The following ZFHX4 variants were observed in gnomAD, a reference collection of about 807,000 sequenced individuals.
The protein encoded by ZFHX4 is zinc finger homeobox 4, also known as zinc finger homeobox protein 4.
In ZFHX4, 56 loss-of-function variants were observed where a neutral mutation model predicts 267.6. That is an observed-to-expected ratio of 0.21 (90% CI 0.17 to 0.26). ZFHX4 has a LOEUF of 0.26. ZFHX4 is among the 10% of genes least tolerant of loss of function. The pLI is 1.00. For synonymous variants in ZFHX4, 1,778 were observed against 1,665.6 expected (o/e 1.07, Z -1.64); for missense variants, 4,332 against 4,420.0 (o/e 0.98, Z 0.56).
chr8:76,704,339 A>G lies in ZFHX4; in HGVS notation c.251A>G (p.Glu84Gly). Residue 84 changes from glutamate to glycine, a missense_variant, in exon 2 of 11, where the codon GAA becomes GGA. Transcript: ENST00000651372. ...VTSAKEIPCN[E>G]CATSFPSLQK... ...TCAGCAAAGGAGATACCCTGCAACG[A>G]ATGTGCCACTTCTTTTCCCAGTTTA... 1 of 1,614,012 alleles carries G rather than the reference A, an allele frequency of 6.2e-7. No individual in the cohort carries two copies. The highest frequency in any genetic ancestry group is 8.5e-7 in the Non-Finnish European group (1 of 1,179,880).
chr8:76,772,330 C>A (rs1007178918), intron 3 of ZFHX4, among the ~76,000 whole-genome samples: 1 of 152,098 alleles, frequency 6.6e-6, no homozygotes, highest in Non-Finnish European at 1.5e-5. Flanking sequence ...AGTAGATGAA[C>A]TCAGATCTCA....
rs557143953 is a variant in ZFHX4, at chr8:76,707,262, G to A, written c.2591-284G>A. Among the ~76,000 whole-genome samples, 12 of 152,248 alleles carry A rather than the reference G, an allele frequency of 7.9e-5. No individual in the cohort carries two copies. The South Asian group carries it at 1.9e-3, about 24-fold the overall frequency. ...GTTTATCTAGGCTCTTAAATTGAAA[G>A]CACGTGACTGTTTTGTTATGGTATT... On this transcript the variant is annotated intron_variant, in intron 2 of 10. Transcript: ENST00000651372.
intron 5 of ZFHX4, among the ~76,000 whole-genome samples, chr8:76,837,179 T>A (rs1585995173): frequency 6.6e-6 from 1 of 152,078 alleles, no homozygotes; most frequent in South Asian, 2.1e-4. Flanking sequence ...GTACTAATAC[T>A]GGAGACACTC....
intron 4 of ZFHX4, among the ~76,000 whole-genome samples, chr8:76,833,020 T>C (rs1291775054): frequency 6.6e-6 from 1 of 152,180 alleles, no homozygotes; most frequent in East Asian, 1.9e-4. Flanking sequence ...CTATAACACA[T>C]AATCCTATAA....
Position 76,850,249 on chromosome 8 carries a change from C to G in ZFHX4, c.3851C>G (p.Pro1284Arg), listed in dbSNP as rs754242345. The change falls in exon 9 of 11, where the codon CCT becomes CGT. Residue 1284 changes from proline (P) to arginine (R), a missense_variant. Physicochemically the swap from Pro to Arg is moderately radical, Grantham distance 103. Transcript: ENST00000651372. ...AAACCCCTTTGGTTTCCAAAGGTGC[C>G]TGTCCCTGATGTGATGATGCCAAAC... is the stretch of plus-strand genomic sequence containing the variant. ...DCVEKLLMTV[P>R]VPDVMMPNSM... is the part of the protein sequence containing the mutation. 4 of 1,611,700 alleles carry G rather than the reference C, an allele frequency of 2.5e-6. No individual in the cohort carries two copies. The highest frequency in any genetic ancestry group is 3.4e-6 in the Non-Finnish European group (4 of 1,179,068).
chr8:76,827,310 G>A (rs748788785), intron 4 of ZFHX4, among the ~76,000 whole-genome samples: 23 of 152,164 alleles, frequency 1.5e-4, no homozygotes, highest in Non-Finnish European at 2.6e-4. Context: ...AATCTGATGC[G>A]AGGTGGAGCT....
Position 76,705,959 on chromosome 8 carries a change from C to G in ZFHX4, c.1871C>G (p.Ser624Cys), listed in dbSNP as rs781090943. The change falls in exon 2 of 11, where the codon TCT becomes TGT. Residue 624 changes from serine (S) to cysteine (C), a missense_variant. This residue lies in a region of ZFHX4 where 1,195 missense variants were observed against 1,173.6 expected (regional missense o/e 1.02). Coordinates refer to ENST00000651372, the MANE Select transcript of ZFHX4 (RefSeq NM_024721.5). ...CCAAAGTGCGACACTGTGTTGGGGT[C>G]TTCGAGGTCTCTTGGTGGTCATATG... is the stretch of plus-strand genomic sequence containing the variant. Reference protein sequence around the residue: ...ECPKCDTVLGSSRSLGGHMTM... With the variant: ...ECPKCDTVLGCSRSLGGHMTM... The G allele has an allele frequency of 1.2e-6, 2 of 1,613,000 alleles. No individual in the cohort carries two copies. Among genetic ancestry groups the G allele is most frequent in the Non-Finnish European group, 1.7e-6 (2 of 1,179,614 alleles).
chr8:76,827,230 C>T (rs963009964), intron 4 of ZFHX4, among the ~76,000 whole-genome samples: 15 of 152,214 alleles, frequency 9.9e-5, no homozygotes, highest in African/African-American at 2.4e-4. Flanking sequence ...AAGGAGCACA[C>T]GACCTAGATC....
intron 4 of ZFHX4, among the ~76,000 whole-genome samples, chr8:76,796,589 C>T (rs978599644): frequency 3.9e-5 from 6 of 152,086 alleles, no homozygotes; most frequent in Non-Finnish European, 5.9e-5. Context: ...TGAGCAACAG[C>T]GTGGTTAAAC....
At chr8:76,829,831 C>T (rs1294830760) in intron 4 of ZFHX4, among the ~76,000 whole-genome samples, 1 of 151,956 alleles carries the variant, frequency 6.6e-6, no homozygotes, top group Non-Finnish European at 1.5e-5. Context: ...GAATGGGAAC[C>T]TTAAACATTT....
At chr8:76,773,132 A>G (rs1810312423) in intron 3 of ZFHX4, among the ~76,000 whole-genome samples, 3 of 152,164 alleles carry the variant, frequency 2.0e-5, no homozygotes, top group African/African-American at 7.2e-5. Context: ...TGTTTGTGAA[A>G]TCGAGGAAGG....
chr8:76,743,792 ACT>A (rs1809384166), intron 3 of ZFHX4, among the ~76,000 whole-genome samples: 1 of 152,056 alleles, frequency 6.6e-6, no homozygotes, highest in Non-Finnish European at 1.5e-5. Context: ...AAGTCTAGAG[ACT>A]CTTAATATTT....
chr8:76,726,795 C>G (rs1808865485), intron 3 of ZFHX4, among the ~76,000 whole-genome samples: 2 of 152,078 alleles, frequency 1.3e-5, no homozygotes, highest in African/African-American at 4.8e-5. Context: ...CTTTAGCCTG[C>G]AAATAGATTA....
intron 4 of ZFHX4, among the ~76,000 whole-genome samples, chr8:76,800,040 G>A (rs967278081): frequency 6.6e-5 from 10 of 152,032 alleles, no homozygotes; most frequent in African/African-American, 9.7e-5. Flanking sequence ...TTCAGAAAGC[G>A]CGTGTGTCAG....
At chr8:76,830,801 T>G (rs1811913939) in intron 4 of ZFHX4, among the ~76,000 whole-genome samples, 1 of 152,178 alleles carries the variant, frequency 6.6e-6, no homozygotes, top group Non-Finnish European at 1.5e-5. Context: ...AATTATTATT[T>G]GGTTATATTT....
Position 76,706,317 on chromosome 8 carries a change from C to A in ZFHX4, c.2229C>A (p.Ala743=). The A allele has an allele frequency of 6.2e-7, 1 of 1,614,044 alleles. No individual in the cohort carries two copies. Among genetic ancestry groups the A allele is most frequent in the South Asian group, 1.1e-5 (1 of 91,076 alleles). ...GTGAGCAGGTGTTTGGCCACTCTGC[C>A]CCAGCCCCCAACACCAGCCTCAGTG... ...GNGEQVFGHS[A]PAPNTSLSGC... is the part of the protein sequence containing the mutation. The change falls in exon 2 of 11, where the codon GCC becomes GCA. Residue 743 remains alanine, a synonymous_variant. Transcript: ENST00000651372.
At chr8:76,773,590 C>A (rs1563513997) in intron 3 of ZFHX4, among the ~76,000 whole-genome samples, 1 of 152,042 alleles carries the variant, frequency 6.6e-6, no homozygotes, top group Non-Finnish European at 1.5e-5. Flanking sequence ...ACAAGATAAA[C>A]CACAAAGATA....
At chr8:76,765,294 A>T (rs1322282656) in intron 3 of ZFHX4, among the ~76,000 whole-genome samples, 2 of 152,202 alleles carry the variant, frequency 1.3e-5, no homozygotes, top group Non-Finnish European at 1.5e-5. Flanking sequence ...GCACGATTTT[A>T]AAAAATCATC....
rs377346853 is a variant in ZFHX4, at chr8:76,852,654, G to C, written c.5733G>C (p.Ala1911=). The change falls in exon 10 of 11, where the codon GCG becomes GCC. Residue 1911 remains alanine (A), a synonymous_variant. Transcript: ENST00000651372. ...ASGARGNAAK[A]LLENFGFELV... is the part of the protein sequence containing the mutation. ...GGGCCAGAGGAAATGCTGCCAAAGC[G>C]TTATTGGAAAACTTTGGTTTTGAAC... 1.2e-6 allele frequency: 2 copies of C among 1,613,626 alleles called. No homozygotes were observed. The highest frequency in any genetic ancestry group is 8.5e-7 in the Non-Finnish European group (1 of 1,179,700).
Sources: gnomAD v4.1 joint callset for allele counts (sites outside exome capture counted in the v4.1 genomes callset) on GRCh38, gnomAD v4.1.1 for gene constraint, gnomAD v4.1.1 regional missense constraint, MANE v1.5 for transcripts, NCBI Gene and HGNC (gene_info 2026-07-23, HGNC 2026-07-21) for gene names.